Variants in ECE1 observed in about 807,000 individuals in gnomAD.
ECE1 encodes endothelin converting enzyme 1, also known as endothelin-converting enzyme 1.
ECE1 carries 35 observed loss-of-function variants against 98.6 expected under a neutral mutation model. The observed-to-expected ratio is 0.35, with a 90% CI of 0.27 to 0.47. The LOEUF is 0.47. ECE1 is among the 20% of genes least tolerant of loss of function. The pLI is 1.00. For missense variants in ECE1, 814 were observed against 1,025.3 expected (o/e 0.79, Z 2.81); for synonymous variants, 394 against 407.1 (o/e 0.97, Z 0.39).
Position 21,221,727 on chromosome 1 carries a change from T to A in ECE1, c.2136+20A>T. Reference sequence around the variant, plus strand: ...ATGGCAGAATGTACCATGTGTGGCATGTTTTCCTAATGGACTCACCTGTGC... The same window carrying A: ...ATGGCAGAATGTACCATGTGTGGCAAGTTTTCCTAATGGACTCACCTGTGC... On this transcript the variant is annotated intron_variant, in intron 18 of 18. Coordinates refer to ENST00000374893, the MANE Select transcript of ECE1 (RefSeq NM_001397.3). 1 of 1,612,064 alleles carries A rather than the reference T, an allele frequency of 6.2e-7. No homozygotes were observed. Among genetic ancestry groups the A allele is most frequent in the Non-Finnish European group, 8.5e-7 (1 of 1,178,066 alleles).
At chr1:21,284,891 C>A (rs1329901944) in intron 2 of ECE1, among the ~76,000 whole-genome samples, 1 of 152,222 alleles carries the variant, frequency 6.6e-6, no homozygotes, top group Non-Finnish European at 1.5e-5. Flanking sequence ...AGAAACCCAG[C>A]CACCTGGGAG....
In ECE1 at chr1:21,256,147, C is replaced by A; in HGVS notation, c.829-9G>T. The A allele has an allele frequency of 6.3e-7, 1 of 1,593,986 alleles. No individual in the cohort carries two copies. Among genetic ancestry groups the A allele is most frequent in the Non-Finnish European group, 8.6e-7 (1 of 1,164,860 alleles). On this transcript the variant is annotated splice_polypyrimidine_tract_variant and intron_variant, in intron 7 of 18. Transcript: ENST00000374893. ...AGATATCCGGTCAGCACCTGCAGGG[C>A]CCATACCCCAAACTGTCAGTGGCTG...
At chr1:21,331,904 T>G (rs926009452) in intron 1 of ECE1, among the ~76,000 whole-genome samples, 1 of 152,158 alleles carries the variant, frequency 6.6e-6, no homozygotes, top group Admixed American at 6.5e-5. Context: ...AAAGCCCTAA[T>G]GCAGACAGAA....
chr1:21,326,923 C>T (rs36076852), intron 1 of ECE1, among the ~76,000 whole-genome samples: 1 of 152,108 alleles, frequency 6.6e-6, no homozygotes, highest in Admixed American at 6.5e-5. Flanking sequence ...GAAACACCCC[C>T]GCTCCCCAGC....
intron 1 of ECE1, among the ~76,000 whole-genome samples, chr1:21,304,697 G>C (rs141714322): frequency 2.6e-4 from 39 of 152,318 alleles, no homozygotes; most frequent in African/African-American, 9.4e-4. Context: ...TGGGGAATGA[G>C]AATGTCCTGG....
intron 10 of ECE1, among the ~76,000 whole-genome samples, chr1:21,240,856 G>A (rs1034825104): frequency 6.6e-5 from 10 of 152,348 alleles, no homozygotes; most frequent in East Asian, 3.9e-4. Flanking sequence ...CTTATGTGTC[G>A]TCTTCTCTGG....
Position 21,218,585 on chromosome 1 carries a change from G to C in ECE1, c.*1370C>G, listed in dbSNP as rs2098163664. 2 of 152,418 alleles carry C rather than the reference G, an allele frequency of 1.3e-5. No individual in the cohort carries two copies. Among genetic ancestry groups the C allele is most frequent in the Non-Finnish European group, 2.9e-5 (2 of 68,350 alleles). The allele number at this position is 152,418 out of a possible 1,614,324, so 9.4% of individuals were successfully genotyped here. Reference sequence around the variant, plus strand: ...TTGGGTCCTGCGGGAGGTGACAGCTGTTTCTCTTTTCTTTTTTTTGGGACG... The same window carrying C: ...TTGGGTCCTGCGGGAGGTGACAGCTCTTTCTCTTTTCTTTTTTTTGGGACG... On this transcript the variant is annotated 3_prime_UTR_variant, in exon 19 of 19. Coordinates refer to ENST00000374893, the MANE Select transcript of ECE1 (RefSeq NM_001397.3). The surrounding 1 kb of genome is among the most constrained non-coding windows in gnomAD (Gnocchi z 4.0).
upstream of ECE1, among the ~76,000 whole-genome samples, chr1:21,295,400 A>C (rs1322956254): frequency 2.0e-5 from 3 of 152,232 alleles, no homozygotes; most frequent in African/African-American, 7.2e-5. Flanking sequence ...AAGGGATAAG[A>C]TATAAAAATA....
chr1:21,268,054 T>A (rs1202797359), intron 4 of ECE1, among the ~76,000 whole-genome samples: 1 of 152,176 alleles, frequency 6.6e-6, no homozygotes, highest in Non-Finnish European at 1.5e-5. Flanking sequence ...TCTTACAGTA[T>A]AAAATACAGT....
At chr1:21,335,253 T>A (rs1047361720) in intron 1 of ECE1, among the ~76,000 whole-genome samples, 1 of 151,856 alleles carries the variant, frequency 6.6e-6, no homozygotes, top group Non-Finnish European at 1.5e-5. Flanking sequence ...GCCGCTCCTC[T>A]AGAGCGGCCC....
chr1:21,322,279 G>A lies in ECE1; in HGVS notation c.3+23097C>T, dbSNP rs2103403498. On this transcript the variant is annotated intron_variant, in intron 1 of 18. Transcript: ENST00000415912. This position sits in a 1 kb window ranked among gnomAD's most constrained non-coding sequence, Gnocchi z 4.1. ...AGACCCCACACCCCACCTGAGCCCGGAGTGCAGCTCCCTCCCTAACGGCTG... is the reference window on the plus strand; with the variant it reads ...AGACCCCACACCCCACCTGAGCCCGAAGTGCAGCTCCCTCCCTAACGGCTG... Among the ~76,000 whole-genome samples, 1 of 152,280 alleles carries A rather than the reference G, an allele frequency of 6.6e-6. No individual in the cohort carries two copies.
Position 21,225,562 on chromosome 1 carries a change from G to T in ECE1, c.1850-122C>A, listed in dbSNP as rs28368037. On this transcript the variant is annotated intron_variant, in intron 16 of 18. Coordinates refer to ENST00000374893, the MANE Select transcript of ECE1 (RefSeq NM_001397.3). This position sits in a 1 kb window ranked among gnomAD's most constrained non-coding sequence, Gnocchi z 5.3. ...CACCCCCGTCCTCCAGCCACCATGG[G>T]GAGACGAGGTCCCTGTGAGTGCCGA... 464 of 1,148,112 alleles carry T rather than the reference G, an allele frequency of 4.0e-4. 2 individuals carry two copies. The African/African-American group carries it at 6.3e-3, about 16-fold the overall frequency. The allele number at this position is 1,148,112 out of a possible 1,614,324, so 71.1% of individuals were successfully genotyped here.
At position 21,225,127 on chromosome 1, in the gene ECE1, G is replaced by T; in HGVS notation, c.2040+123C>A. 7.5e-7 allele frequency: 1 copy of T among 1,325,840 alleles called. No individual in the cohort carries two copies. 82.1% of individuals were successfully genotyped at this position (1,325,840 alleles called of 1,614,324 possible). On this transcript the variant is annotated intron_variant, in intron 17 of 18. Coordinates refer to ENST00000374893, the MANE Select transcript of ECE1 (RefSeq NM_001397.3). The surrounding 1 kb of genome is among the most constrained non-coding windows in gnomAD (Gnocchi z 5.3). ...CCTCGCCACCCCCAATTTCGCAGAA[G>T]AGGAAACGGAAGCTCGCACGGCTGC...
chr1:21,270,829 T>C (rs886709261), intron 4 of ECE1, among the ~76,000 whole-genome samples: 2 of 152,048 alleles, frequency 1.3e-5, no homozygotes, highest in East Asian at 1.9e-4. Flanking sequence ...CAAGACCTCA[T>C]AGTAAGTGGC....
At chr1:21,224,611 C>T (rs958049207) in intron 17 of ECE1, among the ~76,000 whole-genome samples, 5 of 152,042 alleles carry the variant, frequency 3.3e-5, no homozygotes, top group African/African-American at 9.7e-5. Flanking sequence ...CTCTTACTGC[C>T]GTGGTTGGGA....
Position 21,272,573 on chromosome 1 carries a change from T to C in ECE1, c.493+126A>G, listed in dbSNP as rs1037915043. 5 of 1,159,318 alleles carry C rather than the reference T, an allele frequency of 4.3e-6. No homozygotes were observed. The South Asian group carries it at 6.6e-5, about 15-fold the overall frequency. The allele number at this position is 1,159,318 out of a possible 1,614,324, so 71.8% of individuals were successfully genotyped here. On this transcript the variant is annotated intron_variant, in intron 4 of 18. Transcript: ENST00000374893. The stretch of plus-strand genomic sequence containing the variant: ...TCTCAAAGTGCTGGGATTACAGGTG[T>C]GAGCCACCGTGCCCGGCCCATTCTG...
rs1001735263 is a variant in ECE1, at chr1:21,327,285, G to A, written c.3+18091C>T. ...CTCCAGCTTAGCGTCTGGCTCTAACGCTTGGACTGTGTGACTCCGGTGGCT... is the reference window on the plus strand; with the variant it reads ...CTCCAGCTTAGCGTCTGGCTCTAACACTTGGACTGTGTGACTCCGGTGGCT... On this transcript the variant is annotated intron_variant, in intron 1 of 18. Transcript: ENST00000415912. The surrounding 1 kb of genome is among the most constrained non-coding windows in gnomAD (Gnocchi z 4.6). Among the ~76,000 whole-genome samples, 1 of 152,230 alleles carries A rather than the reference G, an allele frequency of 6.6e-6. No individual in the cohort carries two copies. The highest frequency in any genetic ancestry group is 1.5e-5 in the Non-Finnish European group (1 of 68,044).
chr1:21,289,952 G>T (rs2098264706), intron 2 of ECE1, 118 bp downstream of exon 2: 2 of 1,209,246 alleles, frequency 1.7e-6, no homozygotes, highest in Non-Finnish European at 2.1e-6. Flanking sequence ...ATGCCGGGAC[G>T]AGGGAGGGGA....
chr1:21,302,141 A>C (rs1638499482), intron 1 of ECE1, among the ~76,000 whole-genome samples: 1 of 152,212 alleles, frequency 6.6e-6, no homozygotes, highest in Non-Finnish European at 1.5e-5. Context: ...ATTAGGTCTT[A>C]GTCAGAAACC....
Sources: gnomAD v4.1 joint callset for allele counts (sites outside exome capture counted in the v4.1 genomes callset) on GRCh38, gnomAD v4.1.1 for gene constraint, Gnocchi (gnomAD v3.1) non-coding constraint, MANE v1.5 for transcripts, NCBI Gene and HGNC (gene_info 2026-07-23, HGNC 2026-07-21) for gene names.